Variants in RAD51B observed in about 807,000 individuals in gnomAD.
The protein encoded by RAD51B is RAD51 paralog B.
Under a neutral mutation model 42.2 loss-of-function variants are expected in RAD51B, and 38 were observed. That is an observed-to-expected ratio of 0.90 (90% CI 0.70 to 1.18). The LOEUF (loss-of-function observed/expected upper bound fraction) is 1.18, where lower values mean the gene tolerates loss of function less well. Ranked by LOEUF, RAD51B falls within the 50% of genes most tolerant of loss-of-function variation. The probability of loss-of-function intolerance (pLI) is 0.00; values close to 1 mark genes in which losing one functional copy is unlikely to be tolerated. For synonymous variants in RAD51B, 154 were observed against 145.2 expected (o/e 1.06, Z -0.43); for missense variants, 373 against 400.7 (o/e 0.93, Z 0.59).
At chr14:68,502,373 C>T (rs892321094) in intron 10 of RAD51B, among the ~76,000 whole-genome samples, 11 of 152,176 alleles carry the variant, frequency 7.2e-5, no homozygotes, top group Non-Finnish European at 2.9e-5. Context: ...GAGGGGGGCG[C>T]ACAGCTGCAG....
downstream of RAD51B, among the ~76,000 whole-genome samples, chr14:68,615,235 T>C (rs756568904): frequency 6.6e-6 from 1 of 152,270 alleles, no homozygotes; most frequent in Non-Finnish European, 1.5e-5. Flanking sequence ...ATTCAAACTA[T>C]GACTGTGGTT....
At chr14:67,977,494 A>G (rs1047561252) in intron 7 of RAD51B, among the ~76,000 whole-genome samples, 3 of 152,246 alleles carry the variant, frequency 2.0e-5, no homozygotes, top group Non-Finnish European at 4.4e-5. Context: ...TGTTGCCTAG[A>G]GCAGAACAGG....
chr14:68,265,718 C>T (rs1280495421), intron 7 of RAD51B, among the ~76,000 whole-genome samples: 1 of 152,174 alleles, frequency 6.6e-6, no homozygotes, highest in Non-Finnish European at 1.5e-5. Flanking sequence ...CATACCACTG[C>T]ACTCCTGCCT....
chr14:68,630,914 A>C (rs1892213625), intron 10 of RAD51B, among the ~76,000 whole-genome samples: 1 of 152,196 alleles, frequency 6.6e-6, no homozygotes, highest in African/African-American at 2.4e-5. Context: ...TGTTTGTGCA[A>C]GTATTTGAAT....
chr14:68,592,253 ATGTGTGTGTGTGTG>A (rs55833641), intron 10 of RAD51B, among the ~76,000 whole-genome samples: 1 of 139,956 alleles, frequency 7.1e-6, no homozygotes, highest in Non-Finnish European at 1.5e-5. Flanking sequence ...GTAGGCAATG[ATGTGTGTGTGTGTG>A]TGTGTGTGTG....
chr14:68,669,292 T>C (rs1362789450), intron 11 of RAD51B, among the ~76,000 whole-genome samples: 5 of 152,204 alleles, frequency 3.3e-5, no homozygotes, highest in Admixed American at 1.3e-4. Context: ...ATAGGAAATA[T>C]GTAGGCCCCC....
intron 10 of RAD51B, chr14:68,468,520 G>A (rs1253032333): frequency 2.2e-6 from 1 of 457,692 alleles, no homozygotes; most frequent in East Asian, 4.5e-5. Flanking sequence ...AACCAAGAAA[G>A]CTCGGAATTG....
At chr14:68,424,424 T>TA (rs2084783501) in intron 9 of RAD51B, among the ~76,000 whole-genome samples, 2 of 152,218 alleles carry the variant, frequency 1.3e-5, no homozygotes, top group Non-Finnish European at 1.5e-5. Flanking sequence ...CTCTTTATAA[T>TA]AAAAAGATTT....
intron 7 of RAD51B, among the ~76,000 whole-genome samples, chr14:68,028,335 T>C (rs981684444): frequency 1.3e-5 from 2 of 152,200 alleles, no homozygotes; most frequent in African/African-American, 4.8e-5. Flanking sequence ...TGCTAGGTGT[T>C]CTGGGCCATG....
At position 68,311,201 on chromosome 14, in the gene RAD51B, C is replaced by G. The variant is rs146809980; in HGVS notation, c.853+19221C>G. ...CTTACTAAATAGGCCATTTGAGAAG[C>G]AGGCAATGGCTATTTTAAAGGCTTG... On this transcript the variant is annotated intron_variant, in intron 8 of 10. Transcript: ENST00000471583. 1.1e-3 allele frequency among the ~76,000 whole-genome samples: 175 copies of G among 152,322 alleles called. 1 individual carries two copies. Among genetic ancestry groups the G allele is most frequent in the Non-Finnish European group, 1.5e-3 (102 of 68,030 alleles).
chr14:68,674,383 CTA>C (rs1450857044), intron 11 of RAD51B, among the ~76,000 whole-genome samples: 2 of 152,148 alleles, frequency 1.3e-5, no homozygotes, highest in Non-Finnish European at 2.9e-5. Context: ...CAGAATTTTT[CTA>C]TGAGTAGTCA....
intron 7 of RAD51B, among the ~76,000 whole-genome samples, chr14:68,207,069 C>T (rs1043061106): frequency 6.6e-6 from 1 of 152,214 alleles, no homozygotes. Context: ...GGATTACAGG[C>T]TTGAGCCACC....
intron 7 of RAD51B, among the ~76,000 whole-genome samples, chr14:68,222,647 A>G (rs534966661): frequency 6.6e-6 from 1 of 152,130 alleles, no homozygotes; most frequent in Non-Finnish European, 1.5e-5. Context: ...GTAACCAAAC[A>G]CCTCTGTTCC....
chr14:68,087,874 ATT>A lies in RAD51B; in HGVS notation c.756+200672_756+200673del, dbSNP rs1401551186. Among the ~76,000 whole-genome samples the A allele has an allele frequency of 5.8e-4, 47 of 81,118 alleles. 1 individual carries two copies. Among genetic ancestry groups the A allele is most frequent in the South Asian group, 1.4e-3 (4 of 2,944 alleles). The allele number at this position is 81,118 out of a possible 152,430, so 53.2% of individuals were successfully genotyped here. The stretch of plus-strand genomic sequence containing the variant: ...TATATATATAATTATATAATATATT[ATT>A]TATATAATTATATAATATATTATTT... On this transcript the variant is annotated intron_variant, in intron 7 of 10. Transcript: ENST00000471583.
In RAD51B at chr14:68,517,225, G is replaced by A. The variant is rs552766940; in HGVS notation, c.1036+48975G>A. On this transcript the variant is annotated intron_variant, in intron 10 of 10. Transcript: ENST00000487270. ...TCACACAAAGAAAAGAAAGGGAAGG[G>A]AAGGGAAGGAAAGGAAAGGGAAGGG... Among the ~76,000 whole-genome samples the A allele has an allele frequency of 5.5e-5, 8 of 145,832 alleles. No homozygotes were observed. The South Asian group carries it at 6.2e-4, about 11-fold the overall frequency.
chr14:68,323,671 T>C (rs1467922637), intron 8 of RAD51B, among the ~76,000 whole-genome samples: 1 of 152,196 alleles, frequency 6.6e-6, no homozygotes, highest in Non-Finnish European at 1.5e-5. Context: ...GGCAGGCACC[T>C]GTAATCCCAA....
rs60687017 is a variant in RAD51B, at chr14:68,072,210, T to TTATATATATA, written c.756+185011_756+185020dup. Among the ~76,000 whole-genome samples the TTATATATATA allele has an allele frequency of 9.2e-3, 1,265 of 136,790 alleles. 16 individuals carry two copies. Among genetic ancestry groups the TTATATATATA allele is most frequent in the African/African-American group, 0.024 (840 of 35,250 alleles). 89.7% of individuals were successfully genotyped at this position (136,790 alleles called of 152,430 possible). A position where few individuals can be genotyped will look rare whatever the true frequency, so the allele number is the denominator to read the frequency against. ...TCTAGGTTTCTAGGTTTTCTAGGTT[T>TTATATATATA]TATATATATATATAAAATAAACTCC... On this transcript the variant is annotated intron_variant, in intron 7 of 10. Transcript: ENST00000471583.
At chr14:67,856,435 C>T (rs778028770) in intron 4 of RAD51B, among the ~76,000 whole-genome samples, 22 of 151,448 alleles carry the variant, frequency 1.5e-4, no homozygotes, top group Non-Finnish European at 8.8e-5. Context: ...TTTTGTAGGT[C>T]TGAAGACCTA....
At chr14:68,655,545 G>A (rs934962587) in intron 11 of RAD51B, among the ~76,000 whole-genome samples, 2 of 152,190 alleles carry the variant, frequency 1.3e-5, no homozygotes, top group East Asian at 1.9e-4. Flanking sequence ...GCAGGCGTGT[G>A]GGGGAGATGG....
Sources: allele counts gnomAD v4.1 joint callset (sites outside exome capture counted in the v4.1 genomes callset), GRCh38; gene constraint gnomAD v4.1.1; transcripts MANE v1.5; gene names NCBI Gene and HGNC (gene_info 2026-07-23, HGNC 2026-07-21).